Variants in MLLT10 observed in about 807,000 individuals in gnomAD.
MLLT10 encodes the protein protein AF-10.
MLLT10 carries 30 observed loss-of-function variants against 129.1 expected under a neutral mutation model. The observed-to-expected ratio is 0.23, with a 90% confidence interval of 0.17 to 0.32. The LOEUF is 0.32. MLLT10 is among the 10% of genes least tolerant of loss of function. MLLT10 has a pLI of 1.00. For missense variants in MLLT10, 1,119 were observed against 1,268.3 expected (o/e 0.88, Z 1.79); for synonymous variants, 490 against 446.4 (o/e 1.10, Z -1.23).
At chr10:21,579,596 C>G (rs1180479834) in intron 3 of MLLT10, among the ~76,000 whole-genome samples, 1 of 146,180 alleles carries the variant, frequency 6.8e-6, no homozygotes, top group Non-Finnish European at 1.5e-5. Context: ...GAGTTTCGCT[C>G]TTGTTGCCCA....
At chr10:21,539,448 C>CT (rs1337108346) in intron 3 of MLLT10, among the ~76,000 whole-genome samples, 4 of 144,946 alleles carry the variant, frequency 2.8e-5, no homozygotes, top group Non-Finnish European at 4.5e-5. Context: ...GGGTGGTTAC[C>CT]TTATTTCAGA....
intron 8 of MLLT10, among the ~76,000 whole-genome samples, chr10:21,637,946 A>G (rs550500549): frequency 1.7e-4 from 26 of 152,124 alleles, no homozygotes; most frequent in Non-Finnish European, 2.4e-4. Flanking sequence ...GAGATATTGC[A>G]TCTCTTCCTA....
chr10:21,626,294 A>T, intron 8 of MLLT10: 1 of 1,317,146 alleles, frequency 7.6e-7, no homozygotes, highest in East Asian at 2.3e-5. Flanking sequence ...TCCAGGGCAG[A>T]GCAGGGGCTG....
At chr10:21,694,145 A>T (rs1211192469) in intron 13 of MLLT10, among the ~76,000 whole-genome samples, 2 of 152,220 alleles carry the variant, frequency 1.3e-5, no homozygotes, top group Non-Finnish European at 2.9e-5. Context: ...ACCGTATCCC[A>T]TCAGCACTGA....
intron 3 of MLLT10, among the ~76,000 whole-genome samples, chr10:21,565,812 C>G (rs745600956): frequency 9.2e-5 from 14 of 151,424 alleles, no homozygotes; most frequent in Non-Finnish European, 1.8e-4. Flanking sequence ...TGTTATGTTG[C>G]CCAGCCTGGT....
chr10:21,676,646 G>A (rs562140795), intron 11 of MLLT10, among the ~76,000 whole-genome samples: 64 of 141,754 alleles, frequency 4.5e-4, no homozygotes, highest in African/African-American at 1.6e-3. Flanking sequence ...GCTTAAACCC[G>A]GGAGGCAGAG....
In MLLT10 at chr10:21,740,144, C is replaced by A. The variant is rs2058708671; in HGVS notation, c.3070C>A (p.Leu1024Ile). ...ACCAACACAAATACCCATAAACAAC[C>A]TTCTTGCAGGTACACAGGCACCCCC... ...PGPTQIPINN[L>I]LAGTQAPPLH... The change falls in exon 22 of 23, where the codon CTT (leucine) becomes ATT (isoleucine). Residue 1024 changes from leucine to isoleucine, a missense_variant. Physicochemically the swap from Leu to Ile is conservative, Grantham distance 5. Transcript: ENST00000307729. The A allele has an allele frequency of 6.2e-7, 1 of 1,614,166 alleles. No individual in the cohort carries two copies. Among genetic ancestry groups the A allele is most frequent in the Admixed American group, 1.7e-5 (1 of 60,010 alleles).
At chr10:21,590,088 CT>C (rs2042355858) in intron 4 of MLLT10, among the ~76,000 whole-genome samples, 1 of 152,064 alleles carries the variant, frequency 6.6e-6, no homozygotes, top group East Asian at 1.9e-4. Context: ...CACACCATGC[CT>C]GGCTAATATT....
chr10:21,600,370 C>A (rs1308087226), intron 5 of MLLT10, among the ~76,000 whole-genome samples: 1 of 122,996 alleles, frequency 8.1e-6, no homozygotes, highest in African/African-American at 3.3e-5. Flanking sequence ...TGAGATAGAA[C>A]ACACACACAC....
intron 14 of MLLT10, among the ~76,000 whole-genome samples, chr10:21,717,253 CAAA>C (rs747244556): frequency 1.6e-5 from 1 of 63,554 alleles, no homozygotes; most frequent in Non-Finnish European, 2.8e-5. Flanking sequence ...AACTCCGTCT[CAAA>C]AAAAAAAAAA....
At chr10:21,637,720 G>T (rs892528109) in intron 8 of MLLT10, among the ~76,000 whole-genome samples, 1 of 152,164 alleles carries the variant, frequency 6.6e-6, no homozygotes, top group Non-Finnish European at 1.5e-5. Context: ...TTGACACATG[G>T]ATGTAAACTG....
rs535921090 is a variant in MLLT10 at position 21,739,048 on chromosome 10, C to G, written c.2956-982C>G. The stretch of plus-strand genomic sequence containing the variant: ...GAACAGCTGATCTTCCTGCACAACC[C>G]CGCCCCACCCATCGTTTTCCTCACC... On this transcript the variant is annotated intron_variant, in intron 21 of 22. Coordinates refer to ENST00000307729, the MANE Select transcript of MLLT10 (RefSeq NM_001195626.3). Among the ~76,000 whole-genome samples, 94 of 152,276 alleles carry G rather than the reference C, an allele frequency of 6.2e-4. 1 individual carries two copies. Among genetic ancestry groups the G allele is most frequent in the Non-Finnish European group, 9.1e-4 (62 of 68,016 alleles).
At chr10:21,709,148 T>C (rs1354063073) in intron 13 of MLLT10, among the ~76,000 whole-genome samples, 1 of 152,156 alleles carries the variant, frequency 6.6e-6, no homozygotes, top group African/African-American at 2.4e-5. Context: ...CCAGCTAACT[T>C]TTGTTTTCTA....
intron 13 of MLLT10, among the ~76,000 whole-genome samples, chr10:21,711,025 A>C (rs2056031719): frequency 6.6e-6 from 1 of 152,108 alleles, no homozygotes; most frequent in Admixed American, 6.5e-5. Flanking sequence ...GTCTAATAGA[A>C]TTTTCAGGTC....
intron 11 of MLLT10, among the ~76,000 whole-genome samples, chr10:21,679,877 CTA>C (rs992935677): frequency 6.6e-6 from 1 of 152,098 alleles, no homozygotes; most frequent in African/African-American, 2.4e-5. Context: ...GATTTTGGGG[CTA>C]TGTTTTTGGT....
At chr10:21,577,485 C>T (rs1183289610) in intron 3 of MLLT10, among the ~76,000 whole-genome samples, 2 of 131,840 alleles carry the variant, frequency 1.5e-5, no homozygotes, top group Non-Finnish European at 3.1e-5. Context: ...TTTTTTGAGA[C>T]GGAAGTCTCC....
chr10:21,716,019 G>C (rs1487201477), intron 14 of MLLT10, among the ~76,000 whole-genome samples: 1 of 152,204 alleles, frequency 6.6e-6, no homozygotes, highest in East Asian at 1.9e-4. Context: ...TCAGTCTCCA[G>C]GCAACTGAGG....
In MLLT10 at chr10:21,606,203, C is replaced by A. The variant is rs559058996; in HGVS notation, c.406-6145C>A. 1.0e-3 allele frequency among the ~76,000 whole-genome samples: 152 copies of A among 152,282 alleles called. 2 individuals carry two copies. The highest frequency in any genetic ancestry group is 3.4e-3 in the African/African-American group (142 of 41,560). On this transcript the variant is annotated intron_variant, in intron 5 of 22. Transcript: ENST00000307729. ...ATCTCTCTCTACTCTCCTTAGGCCT[C>A]CTTGTTCCCTAAGACACAACAATAT...
At chr10:21,638,366 TA>T (rs2131286552) in intron 8 of MLLT10, among the ~76,000 whole-genome samples, 1 of 152,016 alleles carries the variant, frequency 6.6e-6, no homozygotes, top group Non-Finnish European at 1.5e-5. Context: ...TTTCCTCTTA[TA>T]CCTTCAGATG....
Sources: gnomAD v4.1 joint callset for allele counts (sites outside exome capture counted in the v4.1 genomes callset) on GRCh38, gnomAD v4.1.1 for gene constraint, MANE v1.5 for transcripts, NCBI Gene and HGNC (gene_info 2026-07-23, HGNC 2026-07-21) for gene names.